Variants in ZMAT4 observed in about 807,000 individuals in gnomAD.
ZMAT4 encodes the protein zinc finger matrin-type protein 4.
In ZMAT4, 17 loss-of-function variants were observed where a neutral mutation model predicts 28.7. The observed-to-expected ratio is 0.59, with a 90% CI of 0.41 to 0.89. ZMAT4 has a LOEUF of 0.89. ZMAT4 is among the 40% of genes least tolerant of loss of function. The probability of loss-of-function intolerance (pLI) is 0.00; values close to 1 mark genes in which losing one functional copy is unlikely to be tolerated. For missense variants in ZMAT4, 240 were observed against 283.8 expected, an observed-to-expected ratio of 0.85 and a Z score of 1.11; for synonymous variants, 117 against 109.2, an observed-to-expected ratio of 1.07 and a Z score of -0.44.
chr8:40,880,683 C>A (rs1274667762), intron 1 of ZMAT4, among the ~76,000 whole-genome samples: 1 of 152,140 alleles, frequency 6.6e-6, no homozygotes, highest in African/African-American at 2.4e-5. Context: ...TTGCAGAAGG[C>A]CAAACCTCTA....
In ZMAT4 at chr8:40,821,894, C is replaced by A. The variant is rs545365746; in HGVS notation, c.102+3681G>T. ...CTCAATACTCCTTAAAGATAGATACCAAGATTTTTCTCATTCCACTCGCCC... is the reference window on the plus strand; with the variant it reads ...CTCAATACTCCTTAAAGATAGATACAAAGATTTTTCTCATTCCACTCGCCC... On this transcript the variant is annotated intron_variant, in intron 2 of 6. Coordinates refer to ENST00000297737, the MANE Select transcript of ZMAT4 (RefSeq NM_024645.3). Among the ~76,000 whole-genome samples the A allele has an allele frequency of 4.6e-5, 7 of 152,226 alleles. No individual in the cohort carries two copies. The South Asian group carries it at 1.0e-3, about 23-fold the overall frequency.
At chr8:40,589,072 A>G (rs929892301) in intron 5 of ZMAT4, among the ~76,000 whole-genome samples, 3 of 152,310 alleles carry the variant, frequency 2.0e-5, no homozygotes, top group Admixed American at 6.5e-5. Context: ...CATTAATCAA[A>G]CTGTCTTGTA....
intron 1 of ZMAT4, among the ~76,000 whole-genome samples, chr8:40,837,667 A>G (rs1387876590): frequency 1.3e-5 from 2 of 152,190 alleles, no homozygotes; most frequent in Non-Finnish European, 2.9e-5. Flanking sequence ...TCATGGCACT[A>G]AACAGTGCAG....
intron 2 of ZMAT4, among the ~76,000 whole-genome samples, chr8:40,801,351 A>AAAAATATATATATATATATATATATATAT (rs370796453): frequency 2.1e-5 from 2 of 97,252 alleles, no homozygotes; most frequent in African/African-American, 7.4e-5. Flanking sequence ...TAAAAAAAAA[A>AAAAATATATATATATATATATATATATAT]ATATATATAT....
intron 1 of ZMAT4, among the ~76,000 whole-genome samples, chr8:40,838,729 G>A (rs1247308599): frequency 6.6e-6 from 1 of 152,138 alleles, no homozygotes; most frequent in Non-Finnish European, 1.5e-5. Context: ...CCAGGTGGGG[G>A]AAAGAAGACC....
At chr8:40,674,469 G>A (rs1808822626) in intron 5 of ZMAT4, 2 of 493,390 alleles carry the variant, frequency 4.1e-6, no homozygotes, top group African/African-American at 1.9e-5. Flanking sequence ...TGTGCCTTTG[G>A]TCTGAAAAGC....
chr8:40,798,192 G>A (rs1306900428), intron 2 of ZMAT4, among the ~76,000 whole-genome samples: 2 of 152,132 alleles, frequency 1.3e-5, no homozygotes, highest in Non-Finnish European at 2.9e-5. Context: ...CAAAGAACTG[G>A]AAATCCACAC....
At chr8:40,573,272 A>G (rs1459423913) in intron 6 of ZMAT4, among the ~76,000 whole-genome samples, 2 of 152,150 alleles carry the variant, frequency 1.3e-5, no homozygotes, top group African/African-American at 4.8e-5. Context: ...TCTCTCCATA[A>G]GAGAAGAATT....
chr8:40,791,784 G>T (rs1814335938), intron 2 of ZMAT4, among the ~76,000 whole-genome samples: 1 of 152,184 alleles, frequency 6.6e-6, no homozygotes, highest in African/African-American at 2.4e-5. Flanking sequence ...CTTAGCCTGA[G>T]AAATCGAAGC....
intron 5 of ZMAT4, among the ~76,000 whole-genome samples, chr8:40,637,611 T>C (rs947800434): frequency 6.6e-6 from 1 of 152,200 alleles, no homozygotes; most frequent in Non-Finnish European, 1.5e-5. Context: ...AGGTGGGTCT[T>C]TTGCTGCAAT....
intron 3 of ZMAT4, among the ~76,000 whole-genome samples, chr8:40,698,420 G>T (rs965997239): frequency 5.3e-5 from 8 of 152,174 alleles, no homozygotes; most frequent in Admixed American, 1.3e-4. Context: ...GAAATGGAGG[G>T]CAGAACAGAC....
chr8:40,812,625 T>G (rs754020798), intron 2 of ZMAT4, among the ~76,000 whole-genome samples: 1 of 152,136 alleles, frequency 6.6e-6, no homozygotes, highest in Non-Finnish European at 1.5e-5. Flanking sequence ...AGATTGGACT[T>G]GACACTTTAA....
chr8:40,777,552 C>T (rs181349629), intron 2 of ZMAT4, among the ~76,000 whole-genome samples: 2 of 152,292 alleles, frequency 1.3e-5, no homozygotes, highest in Non-Finnish European at 2.9e-5. Context: ...GAGTGTTGGC[C>T]GATGGCCACT....
At chr8:40,615,421 G>A (rs749920268) in intron 5 of ZMAT4, among the ~76,000 whole-genome samples, 22 of 152,052 alleles carry the variant, frequency 1.4e-4, no homozygotes, top group African/African-American at 5.1e-4. Flanking sequence ...TGCTCTTCTC[G>A]AGAAGTATCT....
chr8:40,774,050 A>C (rs1459194598), intron 2 of ZMAT4, among the ~76,000 whole-genome samples: 1 of 152,108 alleles, frequency 6.6e-6, no homozygotes, highest in Non-Finnish European at 1.5e-5. Context: ...AAGAAAGAAA[A>C]AAATGCAGGA....
intron 5 of ZMAT4, among the ~76,000 whole-genome samples, chr8:40,597,979 C>T (rs1585734997): frequency 6.6e-6 from 1 of 152,146 alleles, no homozygotes; most frequent in South Asian, 2.1e-4. Flanking sequence ...TCTCTTCATC[C>T]CATCAAGACA....
At chr8:40,697,163 G>C in intron 4 of ZMAT4, 82 bp downstream of exon 4, 1 of 1,441,136 alleles carries the variant, frequency 6.9e-7, no homozygotes, top group South Asian at 1.5e-5. Flanking sequence ...TGGCAACTGC[G>C]TCTGAAGGAG....
intron 4 of ZMAT4, among the ~76,000 whole-genome samples, chr8:40,693,346 G>T (rs1809738781): frequency 6.6e-6 from 1 of 151,960 alleles, no homozygotes; most frequent in South Asian, 2.1e-4. Context: ...AAATTCCTGG[G>T]CTCAAGCAAT....
intron 2 of ZMAT4, among the ~76,000 whole-genome samples, chr8:40,789,788 A>G (rs140075728): frequency 5.1e-4 from 78 of 152,346 alleles, no homozygotes; most frequent in Non-Finnish European, 6.8e-4. Context: ...TATCTGCAGT[A>G]ATGAGTCCAG....
Sources: gnomAD v4.1 joint callset for allele counts (sites outside exome capture counted in the v4.1 genomes callset) on GRCh38, gnomAD v4.1.1 for gene constraint, MANE v1.5 for transcripts, NCBI Gene and HGNC (gene_info 2026-07-23, HGNC 2026-07-21) for gene names.